MEIS2: variants seen among roughly 807,000 people sequenced by gnomAD.
MEIS2 encodes the protein Meis homeobox 2, also known as homeobox protein Meis2.
A neutral mutation model predicts 58.6 loss-of-function variants in MEIS2; 9 were observed. The ratio of observed to expected loss-of-function variants is 0.15; its 90% confidence interval spans 0.09 to 0.27. The LOEUF is 0.27. MEIS2 is among the 10% of genes least tolerant of loss of function. The pLI, the probability that MEIS2 is intolerant of heterozygous loss-of-function variation, is 1.00. For missense variants in MEIS2, 427 were observed against 635.0 expected (o/e 0.67, Z 3.52); for synonymous variants, 221 against 228.4 (o/e 0.97, Z 0.29).
chr15:37,092,762 T>C (rs996399029), intron 6 of MEIS2, among the ~76,000 whole-genome samples: 2 of 133,996 alleles, frequency 1.5e-5, no homozygotes, highest in East Asian at 4.7e-4. Flanking sequence ...TCAGACTCAC[T>C]AGATTGGTTC....
At chr15:36,924,943 T>C (rs2057682408) in intron 9 of MEIS2, among the ~76,000 whole-genome samples, 1 of 151,998 alleles carries the variant, frequency 6.6e-6, no homozygotes. Flanking sequence ...CCTTCTGGAG[T>C]AGGTGAGTCT....
At chr15:36,965,827 G>C (rs1025702859) in intron 8 of MEIS2, among the ~76,000 whole-genome samples, 1 of 152,116 alleles carries the variant, frequency 6.6e-6, no homozygotes, top group Non-Finnish European at 1.5e-5. Flanking sequence ...GTGAGAAAAA[G>C]CTTTGACAAG....
intron 2 of MEIS2, 22 bp downstream of exon 2, chr15:37,097,945 T>C: frequency 6.4e-7 from 1 of 1,567,942 alleles, no homozygotes; most frequent in Non-Finnish European, 8.7e-7. Context: ...CACAGTAAGC[T>C]GGGTCCGGGG....
intron 9 of MEIS2, chr15:36,898,024 TG>T (rs2056274874): frequency 6.6e-6 from 1 of 152,224 alleles, no homozygotes; most frequent in Non-Finnish European, 1.5e-5. Context: ...GAATAATAGC[TG>T]GGAGAAAACC....
chr15:37,100,759 C>CGCGA (rs1418547707), upstream of MEIS2: 1 of 148,742 alleles, frequency 6.7e-6, no homozygotes, highest in Non-Finnish European at 1.5e-5. Context: ...CGCGCGCGCG[C>CGCGA]GCGAACAGGG....
intron 9 of MEIS2, among the ~76,000 whole-genome samples, chr15:36,925,992 G>T (rs1027121326): frequency 6.6e-6 from 1 of 152,226 alleles, no homozygotes; most frequent in African/African-American, 2.4e-5. Flanking sequence ...CTGCTTATTC[G>T]TAAAAACTGC....
intron 9 of MEIS2, chr15:36,897,881 T>A (rs2056263165): frequency 6.6e-6 from 1 of 152,222 alleles, no homozygotes; most frequent in African/African-American, 2.4e-5. Flanking sequence ...TCTTTGAAAT[T>A]AGCCAGAAAA....
chr15:36,923,583 C>A (rs1023321684), intron 9 of MEIS2, among the ~76,000 whole-genome samples: 1 of 152,206 alleles, frequency 6.6e-6, no homozygotes, highest in Non-Finnish European at 1.5e-5. Context: ...ATAATCCTCA[C>A]AGAAACTGGT....
At chr15:37,044,012 C>A (rs2141770960) in intron 7 of MEIS2, among the ~76,000 whole-genome samples, 1 of 152,224 alleles carries the variant, frequency 6.6e-6, no homozygotes, top group East Asian at 1.9e-4. Flanking sequence ...ACACTGTTGT[C>A]ACTTTCATTA....
intron 7 of MEIS2, among the ~76,000 whole-genome samples, chr15:37,063,987 AT>A (rs901881877): frequency 6.6e-6 from 1 of 152,146 alleles, no homozygotes; most frequent in African/African-American, 2.4e-5. Context: ...AAACAAAACG[AT>A]TTTTTTGTCC....
intron 8 of MEIS2, among the ~76,000 whole-genome samples, chr15:36,988,661 T>C (rs1351842381): frequency 6.6e-6 from 1 of 152,196 alleles, no homozygotes; most frequent in Non-Finnish European, 1.5e-5. Flanking sequence ...AAATTTACAA[T>C]AAATACCCAT....
At chr15:37,056,029 A>G (rs749498256) in intron 7 of MEIS2, among the ~76,000 whole-genome samples, 6 of 152,210 alleles carry the variant, frequency 3.9e-5, no homozygotes, top group Non-Finnish European at 8.8e-5. Flanking sequence ...ATGTTATTAA[A>G]CATAACTTGT....
intron 8 of MEIS2, among the ~76,000 whole-genome samples, chr15:37,004,595 C>T (rs1595906885): frequency 6.6e-6 from 1 of 152,352 alleles, no homozygotes; most frequent in East Asian, 1.9e-4. Flanking sequence ...GAGCTGCTTG[C>T]TCTTTGTACA....
chr15:36,952,150 C>G (rs984936319), intron 8 of MEIS2, among the ~76,000 whole-genome samples: 6 of 152,046 alleles, frequency 3.9e-5, no homozygotes, highest in Admixed American at 2.0e-4. Flanking sequence ...ACTGCACAAA[C>G]AAGAAGGATT....
chr15:37,081,500 C>A (rs997669698), intron 7 of MEIS2, among the ~76,000 whole-genome samples: 4 of 152,026 alleles, frequency 2.6e-5, no homozygotes, highest in Admixed American at 6.6e-5. Context: ...ACCTTGAAAC[C>A]CTGTTTAAAA....
intron 8 of MEIS2, among the ~76,000 whole-genome samples, chr15:36,972,443 T>C (rs997581924): frequency 4.6e-5 from 7 of 152,118 alleles, no homozygotes; most frequent in African/African-American, 1.4e-4. Context: ...AAAATGTTTA[T>C]CATGGCCTTC....
chr15:36,994,856 T>C (rs2060419055), intron 8 of MEIS2, among the ~76,000 whole-genome samples: 1 of 152,234 alleles, frequency 6.6e-6, no homozygotes, highest in Non-Finnish European at 1.5e-5. Context: ...ATCATGGACG[T>C]TGAACACTGA....
At position 36,899,631 on chromosome 15, in the gene MEIS2, G is replaced by A. The variant is rs147798766; in HGVS notation, c.978-2945C>T. ...ATAGAATATCAAGCTTTGATTTTACGTAAAATTTGAAGAAGCTAAGTTGAA... is the reference window on the plus strand; with the variant it reads ...ATAGAATATCAAGCTTTGATTTTACATAAAATTTGAAGAAGCTAAGTTGAA... On this transcript the variant is annotated intron_variant, in intron 9 of 11. Coordinates refer to ENST00000561208, the MANE Select transcript of MEIS2 (RefSeq NM_170675.5). 3.6e-3 allele frequency among the ~76,000 whole-genome samples: 550 copies of A among 152,042 alleles called. 4 individuals are homozygous for A. Among genetic ancestry groups the A allele is most frequent in the African/African-American group, 0.012 (516 of 41,450 alleles).
chr15:36,892,535 G>GAAAAAAAAAA (rs1271676407), intron 11 of MEIS2, 76 bp from the exon 12 acceptor site: 34 of 513,666 alleles, frequency 6.6e-5, no homozygotes, highest in Admixed American at 1.2e-4. Flanking sequence ...AAGATGAAAA[G>GAAAAAAAAAA]AAAAAAAAAA....
Sources: gnomAD v4.1 joint callset for allele counts (sites outside exome capture counted in the v4.1 genomes callset) on GRCh38, gnomAD v4.1.1 for gene constraint, MANE v1.5 for transcripts, NCBI Gene and HGNC (gene_info 2026-07-23, HGNC 2026-07-21) for gene names.